Variants in ZNF407 observed in about 807,000 individuals in gnomAD.
ZNF407 encodes zinc finger protein 407.
In ZNF407, 17 loss-of-function variants were observed where a neutral mutation model predicts 131.2. The observed-to-expected ratio is 0.13, with a 90% CI of 0.09 to 0.19. ZNF407 has a LOEUF of 0.19. Ranked by LOEUF, ZNF407 falls within the 10% of genes least tolerant of loss-of-function variation. The pLI, the probability that ZNF407 is intolerant of heterozygous loss-of-function variation, is 1.00. For synonymous variants in ZNF407, 1,156 were observed against 1,062.0 expected (o/e 1.09, Z -1.72); for missense variants, 2,681 against 2,830.6 (o/e 0.95, Z 1.20).
chr18:74,743,481 A>G (rs1968597870), intron 3 of ZNF407, among the ~76,000 whole-genome samples: 2 of 152,150 alleles, frequency 1.3e-5, no homozygotes, highest in East Asian at 3.9e-4. Flanking sequence ...TTTATAAAAT[A>G]GGAGATTCTG....
At chr18:74,619,908 A>G (rs1439279711) in intron 1 of ZNF407, among the ~76,000 whole-genome samples, 1 of 152,158 alleles carries the variant, frequency 6.6e-6, no homozygotes, top group Non-Finnish European at 1.5e-5. Context: ...TTCAAATGGC[A>G]TAAGATACAA....
intron 8 of ZNF407, among the ~76,000 whole-genome samples, chr18:75,021,174 C>T (rs1973105295): frequency 6.6e-6 from 1 of 152,066 alleles, no homozygotes; most frequent in Non-Finnish European, 1.5e-5. Context: ...CAACACATCA[C>T]ATAGATTGAC....
At chr18:74,662,729 T>C (rs1329752109) in intron 3 of ZNF407, among the ~76,000 whole-genome samples, 1 of 152,214 alleles carries the variant, frequency 6.6e-6, no homozygotes, top group Non-Finnish European at 1.5e-5. Flanking sequence ...ATTCAGATAA[T>C]TGAAAGTGTT....
At chr18:74,884,758 A>G (rs1012005692) in intron 6 of ZNF407, among the ~76,000 whole-genome samples, 1 of 152,208 alleles carries the variant, frequency 6.6e-6, no homozygotes, top group Non-Finnish European at 1.5e-5. Context: ...GTAAGTTTAA[A>G]TAAAATAAGC....
chr18:74,756,635 T>C (rs994946762), intron 3 of ZNF407, among the ~76,000 whole-genome samples: 1 of 152,206 alleles, frequency 6.6e-6, no homozygotes, highest in Admixed American at 6.5e-5. Context: ...TGATTTTGTA[T>C]CTTGCAACAT....
chr18:75,055,609 C>G (rs1005235864), intron 8 of ZNF407, among the ~76,000 whole-genome samples: 2 of 152,194 alleles, frequency 1.3e-5, no homozygotes, highest in Admixed American at 1.3e-4. Flanking sequence ...TTCTTTGTCA[C>G]TCTTCAGTGG....
rs1350744425 is a variant in ZNF407 at position 74,915,907 on chromosome 18, A to AGT, written c.5250-4593_5250-4592dup. On this transcript the variant is annotated intron_variant, in intron 7 of 8. Transcript: ENST00000299687. ...GTGTGCAGCATTGGTTCGAATCGGG[A>AGT]GTGTGTGTGTGTGTGCGTGCATGTG... 1.8e-3 allele frequency among the ~76,000 whole-genome samples: 2 copies of AGT among 1,138 alleles called. 1 individual carries two copies. The highest frequency in any genetic ancestry group is 0.026 in the Admixed American group (2 of 78). The allele number at this position is 1,138 out of a possible 152,430, so 0.7% of individuals were successfully genotyped here.
chr18:75,057,001 A>T (rs1187794680), intron 8 of ZNF407, among the ~76,000 whole-genome samples: 1 of 152,232 alleles, frequency 6.6e-6, no homozygotes, highest in Non-Finnish European at 1.5e-5. Flanking sequence ...AAGAAAAATT[A>T]TATGTGGCTT....
At chr18:74,999,190 G>T (rs1972812517) in intron 8 of ZNF407, among the ~76,000 whole-genome samples, 1 of 81,278 alleles carries the variant, frequency 1.2e-5, no homozygotes, top group Non-Finnish European at 2.4e-5. Context: ...ACACTCTGGG[G>T]ACTGTGGTGG....
chr18:75,057,575 T>A (rs1315487099), intron 8 of ZNF407, among the ~76,000 whole-genome samples: 3 of 152,200 alleles, frequency 2.0e-5, no homozygotes, highest in African/African-American at 7.2e-5. Context: ...AGCCAGCACG[T>A]GTGCGGCCGA....
chr18:74,676,796 C>G (rs144267595), intron 3 of ZNF407, among the ~76,000 whole-genome samples: 5 of 152,304 alleles, frequency 3.3e-5, no homozygotes, highest in Non-Finnish European at 7.3e-5. Context: ...CACTGACACT[C>G]TTGTGAGGGC....
chr18:74,832,825 A>G (rs1599183949), intron 4 of ZNF407, among the ~76,000 whole-genome samples: 1 of 152,352 alleles, frequency 6.6e-6, no homozygotes, highest in South Asian at 2.1e-4. Context: ...TACATTTTCC[A>G]TGAAGCTATC....
chr18:74,977,266 G>A (rs1166163292), intron 8 of ZNF407, among the ~76,000 whole-genome samples: 1 of 152,212 alleles, frequency 6.6e-6, no homozygotes, highest in African/African-American at 2.4e-5. Context: ...CGTCAGCAAT[G>A]CCTTCCTCTT....
At chr18:74,888,004 G>A (rs975244278) in intron 6 of ZNF407, among the ~76,000 whole-genome samples, 1 of 152,106 alleles carries the variant, frequency 6.6e-6, no homozygotes, top group African/African-American at 2.4e-5. Flanking sequence ...ACTTCTAAAC[G>A]TTCTAATTTT....
At chr18:74,659,747 C>T (rs980231476) in intron 3 of ZNF407, among the ~76,000 whole-genome samples, 1 of 152,076 alleles carries the variant, frequency 6.6e-6, no homozygotes, top group Non-Finnish European at 1.5e-5. Context: ...ATGTTATGAG[C>T]TGTGATTGAA....
intron 1 of ZNF407, among the ~76,000 whole-genome samples, chr18:74,600,977 G>A (rs923615758): frequency 5.3e-5 from 8 of 152,356 alleles, no homozygotes; most frequent in African/African-American, 1.7e-4. Context: ...TGCATTTATA[G>A]TAGGTTAGAC....
intron 8 of ZNF407, among the ~76,000 whole-genome samples, chr18:74,993,675 A>G (rs2075486883): frequency 6.6e-6 from 1 of 152,196 alleles, no homozygotes; most frequent in African/African-American, 2.4e-5. Flanking sequence ...CTAAACTGTT[A>G]AGAAACAAAA....
At chr18:75,025,027 G>A (rs1973154941) in intron 8 of ZNF407, among the ~76,000 whole-genome samples, 1 of 152,190 alleles carries the variant, frequency 6.6e-6, no homozygotes, top group East Asian at 1.9e-4. Context: ...TTGCGTATGT[G>A]TCACATCGGT....
intron 3 of ZNF407, among the ~76,000 whole-genome samples, chr18:74,652,440 G>A (rs1456319630): frequency 6.6e-6 from 1 of 151,882 alleles, no homozygotes; most frequent in African/African-American, 2.4e-5. Flanking sequence ...TCATGGAAAC[G>A]TTACTGTGGA....
Sources: gnomAD v4.1 joint callset for allele counts (sites outside exome capture counted in the v4.1 genomes callset) on GRCh38, gnomAD v4.1.1 for gene constraint, MANE v1.5 for transcripts, NCBI Gene and HGNC (gene_info 2026-07-23, HGNC 2026-07-21) for gene names.